The following MCUB variants were observed in gnomAD, a reference collection of about 807,000 sequenced individuals.
MCUB encodes the protein mitochondrial calcium uniporter dominant negative subunit beta.
A neutral mutation model predicts 41.4 loss-of-function variants in MCUB; 46 were observed. The ratio of observed to expected loss-of-function variants is 1.11; its 90% confidence interval spans 0.88 to 1.42. The LOEUF is 1.42. Among genes scored for constraint, MCUB ranks in the 40% most tolerant of loss-of-function variants. The pLI, the probability that MCUB is intolerant of heterozygous loss-of-function variation, is 0.00. For missense variants in MCUB, 403 were observed against 404.9 expected, an observed-to-expected ratio of 1.00 and a Z score of 0.04; for synonymous variants, 148 against 148.2, an observed-to-expected ratio of 1.00 and a Z score of 0.01.
intron 4 of MCUB, chr4:109,673,900 C>G: frequency 1.3e-6 from 1 of 776,060 alleles, no homozygotes; most frequent in South Asian, 1.3e-5. Flanking sequence ...GGGATCCAAA[C>G]TTATTCGAAA....
At chr4:109,656,143 C>T (rs559408359) in intron 1 of MCUB, among the ~76,000 whole-genome samples, 53 of 152,098 alleles carry the variant, frequency 3.5e-4, no homozygotes, top group Middle Eastern at 6.8e-3. Context: ...CAACTGGATT[C>T]CTGGATTCTC....
intron 4 of MCUB, among the ~76,000 whole-genome samples, chr4:109,666,376 C>T (rs1729346251): frequency 6.6e-6 from 1 of 152,184 alleles, no homozygotes; most frequent in Admixed American, 6.5e-5. Flanking sequence ...AACTGTCAAG[C>T]TGTCTTCCAA....
At chr4:109,561,734 AAC>A (rs1657818299) in intron 1 of MCUB, among the ~76,000 whole-genome samples, 1 of 152,182 alleles carries the variant, frequency 6.6e-6, no homozygotes, top group Non-Finnish European at 1.5e-5. Flanking sequence ...TGCCATTTTA[AAC>A]ACAGATTATT....
chr4:109,687,492 G>A, intron 7 of MCUB, 23 bp from the exon 8 acceptor site: 1 of 1,562,416 alleles, frequency 6.4e-7, no homozygotes, highest in South Asian at 1.1e-5. Context: ...CTGATCACAT[G>A]CTTTTTCTTT....
intron 1 of MCUB, among the ~76,000 whole-genome samples, chr4:109,609,208 C>T (rs1370359480): frequency 6.6e-6 from 1 of 152,150 alleles, no homozygotes; most frequent in Non-Finnish European, 1.5e-5. Flanking sequence ...GTCCACAGTG[C>T]AAAGTGAAAG....
At chr4:109,634,751 A>G (rs1728552391) in intron 1 of MCUB, among the ~76,000 whole-genome samples, 1 of 152,144 alleles carries the variant, frequency 6.6e-6, no homozygotes, top group African/African-American at 2.4e-5. Flanking sequence ...TTATTAAATT[A>G]TTTTAGGCAG....
At chr4:109,588,625 T>G (rs1415302611) in intron 1 of MCUB, among the ~76,000 whole-genome samples, 1 of 152,224 alleles carries the variant, frequency 6.6e-6, no homozygotes, top group African/African-American at 2.4e-5. Flanking sequence ...ATCTGCTATT[T>G]TATCTCTTAT....
At chr4:109,585,013 A>T (rs10006490) in intron 1 of MCUB, among the ~76,000 whole-genome samples, 2,710 of 152,010 alleles carry the variant, frequency 0.018, 57 homozygotes, top group South Asian at 0.071. Flanking sequence ...CCTTGTTAAT[A>T]TTCTGGCTTG....
chr4:109,585,488 A>G (rs1353176476), intron 1 of MCUB, among the ~76,000 whole-genome samples: 1 of 152,188 alleles, frequency 6.6e-6, no homozygotes, highest in Admixed American at 6.5e-5. Flanking sequence ...TGATCCTGTC[A>G]TTATGATGTT....
In MCUB at chr4:109,616,326, A is replaced by C. The variant is rs541942058; in HGVS notation, c.100-42685A>C. 4.6e-5 allele frequency among the ~76,000 whole-genome samples: 7 copies of C among 152,232 alleles called. No individual in the cohort carries two copies. The South Asian group carries it at 1.5e-3, about 32-fold the overall frequency. ...TAGTTGGACAAACTTTTATGCCTTT[A>C]TTATGTATACTGTCCTGACTAATGT... On this transcript the variant is annotated intron_variant, in intron 1 of 7. Coordinates refer to ENST00000394650, the MANE Select transcript of MCUB (RefSeq NM_017918.5).
intron 1 of MCUB, among the ~76,000 whole-genome samples, chr4:109,583,115 T>A (rs1727221800): frequency 6.6e-6 from 1 of 152,230 alleles, no homozygotes; most frequent in Admixed American, 6.5e-5. Context: ...CATTGATAGC[T>A]TGATGGGTAT....
chr4:109,666,272 G>A (rs1025950732), intron 4 of MCUB, among the ~76,000 whole-genome samples: 1 of 152,150 alleles, frequency 6.6e-6, no homozygotes, highest in Non-Finnish European at 1.5e-5. Flanking sequence ...ACATGCGCAG[G>A]CTTTTGTTTG....
chr4:109,580,688 G>T (rs546542046), intron 1 of MCUB, among the ~76,000 whole-genome samples: 9 of 152,300 alleles, frequency 5.9e-5, no homozygotes, highest in African/African-American at 2.2e-4. Context: ...CTTTTGAGAA[G>T]TGTCTGTTCA....
intron 1 of MCUB, among the ~76,000 whole-genome samples, chr4:109,560,648 G>A (rs999071358): frequency 1.3e-5 from 2 of 152,190 alleles, no homozygotes; most frequent in Non-Finnish European, 2.9e-5. Flanking sequence ...CTCCGGGCCC[G>A]GGGAAGGTGA....
chr4:109,623,923 C>T (rs1450204362), intron 1 of MCUB, among the ~76,000 whole-genome samples: 1 of 152,160 alleles, frequency 6.6e-6, no homozygotes, highest in African/African-American at 2.4e-5. Flanking sequence ...GATCATAGCT[C>T]ACTGTAACCT....
intron 6 of MCUB, 111 bp from the exon 7 acceptor site, chr4:109,685,140 C>G: frequency 1.6e-6 from 1 of 610,420 alleles, no homozygotes; most frequent in Non-Finnish European, 2.9e-6. Flanking sequence ...ATATTTCACT[C>G]ATTCATCTGC....
chr4:109,686,954 T>C (rs1378572211), intron 7 of MCUB, among the ~76,000 whole-genome samples: 1 of 150,974 alleles, frequency 6.6e-6, no homozygotes, highest in Non-Finnish European at 1.5e-5. Context: ...GATAAAGTGG[T>C]AGGTTAAGGG....
At chr4:109,641,600 G>A (rs566287770) in intron 1 of MCUB, among the ~76,000 whole-genome samples, 19 of 152,274 alleles carry the variant, frequency 1.2e-4, no homozygotes, top group Non-Finnish European at 2.5e-4. Context: ...AGAAAAAATG[G>A]TGCTTATAGA....
chr4:109,649,024 C>A (rs9996648), intron 1 of MCUB, among the ~76,000 whole-genome samples: 106,851 of 151,960 alleles, frequency 0.7, 38,238 homozygotes, highest in African/African-American at 0.83. Context: ...TTTGCTTGTT[C>A]AGAATTTCTC....
Sources: allele counts gnomAD v4.1 joint callset (sites outside exome capture counted in the v4.1 genomes callset), GRCh38; gene constraint gnomAD v4.1.1; transcripts MANE v1.5; gene names NCBI Gene and HGNC (gene_info 2026-07-23, HGNC 2026-07-21).